Variants in EFCAB5 observed in about 807,000 individuals in gnomAD.
The protein encoded by EFCAB5 is EF-hand calcium binding domain 5.
Under a neutral mutation model 167.9 loss-of-function variants are expected in EFCAB5, and 131 were observed. That is an observed-to-expected ratio of 0.78 (90% CI 0.68 to 0.90). The LOEUF is 0.90. Ranked by LOEUF, EFCAB5 falls within the 40% of genes least tolerant of loss-of-function variation. The pLI is 0.00. For synonymous variants in EFCAB5, 574 were observed against 602.8 expected (o/e 0.95, Z 0.70); for missense variants, 1,663 against 1,745.2 (o/e 0.95, Z 0.84).
chr17:30,026,380 C>A (rs1344288885), intron 7 of EFCAB5, among the ~76,000 whole-genome samples: 1 of 151,666 alleles, frequency 6.6e-6, no homozygotes, highest in Non-Finnish European at 1.5e-5. Flanking sequence ...GTCTTGTGTT[C>A]AGGCCAAGAG....
chr17:30,002,385 C>T (rs942737702), intron 7 of EFCAB5, among the ~76,000 whole-genome samples: 1 of 152,122 alleles, frequency 6.6e-6, no homozygotes, highest in Admixed American at 6.5e-5. Flanking sequence ...TCTGTTACCA[C>T]CACCAAAATT....
chr17:30,004,075 A>G (rs1700247733), intron 7 of EFCAB5, among the ~76,000 whole-genome samples: 1 of 152,240 alleles, frequency 6.6e-6, no homozygotes, highest in Non-Finnish European at 1.5e-5. Context: ...CAGACTGAAT[A>G]CCAGGTCACC....
At chr17:29,960,279 A>G (rs1281737373) in intron 3 of EFCAB5, among the ~76,000 whole-genome samples, 2 of 152,148 alleles carry the variant, frequency 1.3e-5, no homozygotes, top group Non-Finnish European at 2.9e-5. Flanking sequence ...ATATGATATT[A>G]AAACCAGGTA....
At position 30,078,266 on chromosome 17, in the gene EFCAB5, T is replaced by G. The variant is rs753260363; in HGVS notation, c.2789T>G (p.Leu930Trp). ...CCACACCCTGGTCACGAAGTGAGAT[T>G]GTCTTCAAAACAATTTCAGAATTAC... ...PKPHPGHEVR[L>W]SSKQFQNYIE... The change falls in exon 15 of 23, where the codon TTG becomes TGG. Residue 930 changes from leucine (L) to tryptophan (W), a missense_variant. Leu to Trp is a moderately conservative substitution (Grantham distance 61, BLOSUM62 -2). Transcript: ENST00000394835. The G allele has an allele frequency of 1.6e-5, 26 of 1,613,840 alleles. No homozygotes were observed. The highest frequency in any genetic ancestry group is 2.1e-5 in the Non-Finnish European group (25 of 1,179,868).
intron 7 of EFCAB5, among the ~76,000 whole-genome samples, chr17:30,026,498 A>G (rs1428654608): frequency 6.6e-6 from 1 of 152,196 alleles, no homozygotes; most frequent in Non-Finnish European, 1.5e-5. Flanking sequence ...TTTACCAGCA[A>G]AAGAAAACCA....
In EFCAB5 at chr17:30,033,884, A is replaced by G. The variant is rs78299521; in HGVS notation, c.1045-346A>G. On this transcript the variant is annotated intron_variant, in intron 7 of 22. Coordinates refer to ENST00000394835, the MANE Select transcript of EFCAB5 (RefSeq NM_198529.4). ...ATATACCATAGAAAAACTGCATTCAATTTTTAGGACTTTTAATTTGCAGGT... is the reference window on the plus strand; with the variant it reads ...ATATACCATAGAAAAACTGCATTCAGTTTTTAGGACTTTTAATTTGCAGGT... 2.0e-3 allele frequency among the ~76,000 whole-genome samples: 304 copies of G among 152,312 alleles called. 1 individual carries two copies. The highest frequency in any genetic ancestry group is 7.1e-3 in the African/African-American group (294 of 41,560).
chr17:30,042,377 C>G (rs899295275), intron 8 of EFCAB5, among the ~76,000 whole-genome samples: 4 of 152,118 alleles, frequency 2.6e-5, no homozygotes, highest in African/African-American at 9.7e-5. Flanking sequence ...TTGCAATATT[C>G]ATTTTATTGC....
intron 7 of EFCAB5, among the ~76,000 whole-genome samples, chr17:30,014,566 G>T (rs12944757): frequency 0.079 from 11,939 of 152,034 alleles, 591 homozygotes; most frequent in South Asian, 0.12. Flanking sequence ...GACCTTCTTT[G>T]TCCCTTTTGA....
intron 14 of EFCAB5, among the ~76,000 whole-genome samples, chr17:30,061,852 G>C (rs963073851): frequency 6.6e-6 from 1 of 152,174 alleles, no homozygotes; most frequent in Admixed American, 6.5e-5. Flanking sequence ...ACAGGTGTGA[G>C]CCACTGTACC....
intron 4 of EFCAB5, among the ~76,000 whole-genome samples, chr17:29,985,636 A>G (rs2068265305): frequency 6.6e-6 from 1 of 152,140 alleles, no homozygotes; most frequent in Non-Finnish European, 1.5e-5. Context: ...AAAGGGATGG[A>G]CTCTGGCTAG....
chr17:29,993,877 T>C (rs937042678), intron 5 of EFCAB5, among the ~76,000 whole-genome samples: 3 of 151,690 alleles, frequency 2.0e-5, no homozygotes, highest in Non-Finnish European at 2.9e-5. Flanking sequence ...CCAGCACTTT[T>C]GGAGGCCGAG....
At chr17:29,940,321 C>G (rs2067281618), upstream of EFCAB5, among the ~76,000 whole-genome samples, 1 of 152,168 alleles carries the variant, frequency 6.6e-6, no homozygotes, top group Admixed American at 6.5e-5. Context: ...AGGTGATCCA[C>G]CCGCCTTGGC....
rs1395869899 is a variant in EFCAB5 at position 30,025,326 on chromosome 17, AAAAC to A, written c.1045-8895_1045-8892del. On this transcript the variant is annotated intron_variant, in intron 7 of 22. Transcript: ENST00000394835. Reference sequence around the variant, plus strand: ...TGAACTCAAACAAATTTACAAGAAAAAAACAAACAAACCCATCAAAAAGTGGGCA... The same window carrying A: ...TGAACTCAAACAAATTTACAAGAAAAAAACAAACCCATCAAAAAGTGGGCA... Among the ~76,000 whole-genome samples, 14 of 152,318 alleles carry A rather than the reference AAAAC, an allele frequency of 9.2e-5. No individual in the cohort carries two copies. In the South Asian group the frequency reaches 1.5e-3, roughly 16 times the overall value.
At chr17:30,081,226 G>A (rs182239830) in intron 17 of EFCAB5, among the ~76,000 whole-genome samples, 50 of 152,276 alleles carry the variant, frequency 3.3e-4, no homozygotes, top group African/African-American at 1.0e-3. Context: ...ATTAATCACA[G>A]GAATAGAATT....
intron 3 of EFCAB5, among the ~76,000 whole-genome samples, chr17:29,961,421 T>C (rs1198116068): frequency 6.6e-6 from 1 of 152,230 alleles, no homozygotes; most frequent in Non-Finnish European, 1.5e-5. Context: ...TTTTCACTTT[T>C]TGACATAATT....
intron 14 of EFCAB5, 110 bp downstream of exon 14, chr17:30,059,811 C>G (rs1464194868): frequency 3.8e-6 from 3 of 789,012 alleles, no homozygotes; most frequent in African/African-American, 3.5e-5. Context: ...ACTAGATAAC[C>G]CTTCATGTCT....
chr17:29,974,773 T>A (rs1057330912), intron 4 of EFCAB5, among the ~76,000 whole-genome samples: 1 of 152,184 alleles, frequency 6.6e-6, no homozygotes, highest in Admixed American at 6.5e-5. Flanking sequence ...GCAAAAGCAG[T>A]CATAGCATAT....
At position 30,053,728 on chromosome 17, in the gene EFCAB5, T is replaced by A. The variant is rs1210295719; in HGVS notation, c.1774T>A (p.Ser592Thr). The A allele has an allele frequency of 1.9e-6, 3 of 1,613,746 alleles. No homozygotes were observed. In the South Asian group the frequency reaches 3.3e-5, roughly 18 times the overall value. Residue 592 changes from serine to threonine, a missense_variant, in exon 10 of 23, where the codon TCA (serine) becomes ACA (threonine). Coordinates refer to ENST00000394835, the MANE Select transcript of EFCAB5 (RefSeq NM_198529.4). ...SIEGQGPRRV[S>T]VSEQGSSRES... ...AGAAGGACAAGGACCACGCAGAGTG[T>A]CAGTTTCAGAACAAGGATCAAGCAG...
intron 7 of EFCAB5, among the ~76,000 whole-genome samples, chr17:30,020,873 T>C (rs1457233709): frequency 6.6e-6 from 1 of 152,196 alleles, no homozygotes; most frequent in African/African-American, 2.4e-5. Context: ...CACTTTTTAA[T>C]GTGTATGCCA....
Sources: gnomAD v4.1 joint callset for allele counts (sites outside exome capture counted in the v4.1 genomes callset) on GRCh38, gnomAD v4.1.1 for gene constraint, MANE v1.5 for transcripts, NCBI Gene and HGNC (gene_info 2026-07-23, HGNC 2026-07-21) for gene names.